The following SMCO2 variants were observed in gnomAD, a reference collection of about 807,000 sequenced individuals.
SMCO2 encodes single-pass membrane protein with coiled-coil domains 2.
A neutral mutation model predicts 29.5 loss-of-function variants in SMCO2; 25 were observed. The ratio of observed to expected loss-of-function variants is 0.85; its 90% CI spans 0.62 to 1.18. The LOEUF is 1.18. Ranked by LOEUF, SMCO2 falls within the 50% of genes most tolerant of loss-of-function variation. The probability of loss-of-function intolerance (pLI) is 0.00; values close to 1 mark genes in which losing one functional copy is unlikely to be tolerated. For synonymous variants in SMCO2, 117 were observed against 123.3 expected, an observed-to-expected ratio of 0.95 and a Z score of 0.34; for missense variants, 348 against 344.5, an observed-to-expected ratio of 1.01 and a Z score of -0.08.
Position 27,474,705 on chromosome 12 carries a change from G to C in SMCO2, c.235-81G>C, listed in dbSNP as rs997957202. On this transcript the variant is annotated intron_variant, in intron 3 of 7. Transcript: ENST00000298876. ...ACTATGTGCTTGACCCCAGCAAAGG[G>C]GGATTGGGTAGGGCTGGAAGAACCA... The C allele has an allele frequency of 9.3e-6, 14 of 1,499,728 alleles. No individual in the cohort carries two copies. The African/African-American group carries it at 1.5e-4, about 16-fold the overall frequency. The allele number at this position is 1,499,728 out of a possible 1,614,324, so 92.9% of individuals were successfully genotyped here.
At chr12:27,494,398 A>G (rs761048652) in intron 6 of SMCO2, 42 bp downstream of exon 7, 4 of 1,411,664 alleles carry the variant, frequency 2.8e-6, no homozygotes. Context: ...ATAAAATCAG[A>G]TAATTTATGT....
At chr12:27,433,530 C>T in the SMCO2 span, among the ~76,000 whole-genome samples, 1 of 151,526 alleles carries the variant, frequency 6.6e-6, no homozygotes. Flanking sequence ...CACACACACA[C>T]ACACACACAC....
At chr12:27,459,186 CAAAAAAA>C in the SMCO2 span, among the ~76,000 whole-genome samples, 745 of 94,714 alleles carry the variant, frequency 7.9e-3, 8 homozygotes, top group African/African-American at 0.026. Context: ...GACTCCATCT[CAAAAAAA>C]AAAAAAAAAA....
At chr12:27,476,872 A>G (rs1368601774) in intron 4 of SMCO2, among the ~76,000 whole-genome samples, 1 of 151,724 alleles carries the variant, frequency 6.6e-6, no homozygotes, top group Non-Finnish European at 1.5e-5. Context: ...ATAAGTAAGG[A>G]CTTATTCCTG....
In SMCO2 at chr12:27,470,759, T is replaced by A. The variant is rs746401543; in HGVS notation, c.128T>A (p.Met43Lys). 5.2e-6 allele frequency: 8 copies of A among 1,550,656 alleles called. No individual in the cohort carries two copies. The South Asian group carries it at 9.5e-5, about 18-fold the overall frequency. The change falls in exon 2 of 8, where the codon ATG (methionine) becomes AAG (lysine). Residue 43 changes from methionine to lysine, a missense_variant. Coordinates refer to ENST00000298876, the Ensembl canonical transcript of SMCO2. ...AAGCTCAATGTGACTGAAGGTGCAA[T>A]GCAGGAGTAAGTCAGAACTGAGCTT...
intron 4 of SMCO2, among the ~76,000 whole-genome samples, chr12:27,477,565 A>G (rs1949599136): frequency 3.1e-5 from 2 of 65,322 alleles, no homozygotes; most frequent in African/African-American, 1.3e-4. Context: ...TGGAACTCCT[A>G]ATATCCAAAT....
intron 4 of SMCO2, among the ~76,000 whole-genome samples, chr12:27,479,327 G>A (rs1160798243): frequency 6.6e-6 from 1 of 152,008 alleles, no homozygotes; most frequent in Non-Finnish European, 1.5e-5. Context: ...ACAGGTGCCA[G>A]TAGTGGCTAG....
rs116700187 is a variant in SMCO2 at position 27,498,027 on chromosome 12, G to A, written c.683+2172G>A. On this transcript the variant is annotated intron_variant, in intron 7 of 7. Transcript: ENST00000298876. ...GTAGACCTGGAATAAGGACTAAAGTGATCCATGGACAAATTGAAGGAAAAA... is the reference window on the plus strand; with the variant it reads ...GTAGACCTGGAATAAGGACTAAAGTAATCCATGGACAAATTGAAGGAAAAA... The A allele has an allele frequency of 8.3e-4, 237 of 285,676 alleles. 21 individuals are homozygous for A. Among genetic ancestry groups the A allele is most frequent in the African/African-American group, 5.3e-3 (228 of 42,958 alleles). The allele number at this position is 285,676 out of a possible 1,614,324, so 17.7% of individuals were successfully genotyped here. A position where few individuals can be genotyped will look rare whatever the true frequency, so the allele number is the denominator to read the frequency against.
rs1226931425 is a variant in SMCO2 at position 27,495,214 on chromosome 12, C to CACGGAAAAAAAAATGAAAACAGCTTA, written c.508-466_508-465insACGGAAAAAAAAATGAAAACAGCTTA. On this transcript the variant is annotated intron_variant, in intron 6 of 7. Coordinates refer to ENST00000298876, the Ensembl canonical transcript of SMCO2. Reference sequence around the variant, plus strand: ...TCCGTTCCCACACCCTATTTGTTTTCTCTTTAGTGTGTATCTTAACATGTA... The same window carrying CACGGAAAAAAAAATGAAAACAGCTTA: ...TCCGTTCCCACACCCTATTTGTTTTCACGGAAAAAAAAATGAAAACAGCTTATCTTTAGTGTGTATCTTAACATGTA... 6.1e-4 allele frequency among the ~76,000 whole-genome samples: 85 copies of CACGGAAAAAAAAATGAAAACAGCTTA among 139,030 alleles called. 1 individual carries two copies. The highest frequency in any genetic ancestry group is 3.7e-3 in the Middle Eastern group (1 of 268). 91.2% of individuals were successfully genotyped at this position (139,030 alleles called of 152,430 possible).
the SMCO2 span, among the ~76,000 whole-genome samples, chr12:27,444,622 A>G: frequency 6.6e-6 from 1 of 152,218 alleles, no homozygotes; most frequent in East Asian, 1.9e-4. Context: ...TGCAAATAAA[A>G]AACACAATGT....
At chr12:27,432,498 A>T in the SMCO2 span, among the ~76,000 whole-genome samples, 1 of 152,226 alleles carries the variant, frequency 6.6e-6, no homozygotes, top group African/African-American at 2.4e-5. Context: ...TGAGAGGCTA[A>T]TTTATACAAC....
the SMCO2 span, among the ~76,000 whole-genome samples, chr12:27,442,954 C>T: frequency 6.6e-6 from 1 of 152,156 alleles, no homozygotes; most frequent in Non-Finnish European, 1.5e-5. Context: ...AATACCAATA[C>T]CAACCCTACT....
chr12:27,472,340 G>C (rs1255385901), intron 2 of SMCO2, among the ~76,000 whole-genome samples: 2 of 152,124 alleles, frequency 1.3e-5, no homozygotes, highest in African/African-American at 4.8e-5. Flanking sequence ...AAAGAAGCTA[G>C]TAAACATTGT....
chr12:27,448,771 T>C, the SMCO2 span, among the ~76,000 whole-genome samples: 58 of 152,322 alleles, frequency 3.8e-4, no homozygotes, highest in South Asian at 0.012. Context: ...AAAGGTCTTA[T>C]GGTCTTATTG....
At chr12:27,466,028 G>A (rs1949496103), upstream of SMCO2, among the ~76,000 whole-genome samples, 1 of 152,154 alleles carries the variant, frequency 6.6e-6, no homozygotes, top group Non-Finnish European at 1.5e-5. Context: ...AGTCCTGGAA[G>A]AAGGTGAAGG....
chr12:27,431,055 C>T, the SMCO2 span, among the ~76,000 whole-genome samples: 2 of 151,782 alleles, frequency 1.3e-5, no homozygotes, highest in African/African-American at 4.8e-5. Flanking sequence ...AGCTCTGTTG[C>T]CCCAGACTGG....
At chr12:27,428,558 C>CT in the SMCO2 span, among the ~76,000 whole-genome samples, 1,192 of 143,244 alleles carry the variant, frequency 8.3e-3, 21 homozygotes, top group African/African-American at 0.027. Flanking sequence ...TCTTGGCCAC[C>CT]TTTTTTTTTT....
At chr12:27,437,989 C>G in the SMCO2 span, among the ~76,000 whole-genome samples, 8 of 152,326 alleles carry the variant, frequency 5.3e-5, no homozygotes, top group Admixed American at 4.6e-4. Flanking sequence ...CCCTCCTCTT[C>G]ACAGTTGGGT....
At chr12:27,456,224 C>A in the SMCO2 span, among the ~76,000 whole-genome samples, 431 of 152,060 alleles carry the variant, frequency 2.8e-3, 2 homozygotes, top group African/African-American at 9.0e-3. Flanking sequence ...TCAAAAAAAA[C>A]GAAATAACAA....
Sources: gnomAD v4.1 joint callset for allele counts (sites outside exome capture counted in the v4.1 genomes callset) on GRCh38, gnomAD v4.1.1 for gene constraint, MANE v1.5 for transcripts, NCBI Gene and HGNC (gene_info 2026-07-23, HGNC 2026-07-21) for gene names.